Variants in TRAPPC12 observed in about 807,000 individuals in gnomAD.
TRAPPC12 encodes the protein TPR repeat protein 15.
A neutral mutation model predicts 69.2 loss-of-function variants in TRAPPC12; 61 were observed. The observed-to-expected ratio is 0.88, with a 90% CI of 0.72 to 1.09. TRAPPC12 has a LOEUF of 1.09. Ranked by LOEUF, TRAPPC12 falls within the 50% of genes least tolerant of loss-of-function variation. TRAPPC12 has a pLI of 0.00. For missense variants in TRAPPC12, 1,101 were observed against 1,016.4 expected, an observed-to-expected ratio of 1.08 and a Z score of -1.13; for synonymous variants, 469 against 438.9, an observed-to-expected ratio of 1.07 and a Z score of -0.86.
At chr2:3,402,099 C>T (rs1427342834) in intron 3 of TRAPPC12, among the ~76,000 whole-genome samples, 1 of 152,080 alleles carries the variant, frequency 6.6e-6, no homozygotes, top group Non-Finnish European at 1.5e-5. Context: ...AGTTAAAAAG[C>T]CATTATTGGA....
rs568856844 is a variant in TRAPPC12, at chr2:3,389,618, C to G, written c.1047+948C>G. On this transcript the variant is annotated intron_variant, in intron 2 of 11. Coordinates refer to ENST00000324266, the MANE Select transcript of TRAPPC12 (RefSeq NM_016030.6). Reference sequence around the variant, plus strand: ...TAACGGGCATCTTAACGGCTCTAAACGGGCGCATTAACAGACCACTGCTTC... The same window carrying G: ...TAACGGGCATCTTAACGGCTCTAAAGGGGCGCATTAACAGACCACTGCTTC... The G allele has an allele frequency of 5.1e-5, 24 of 468,930 alleles. No individual in the cohort carries two copies. The East Asian group carries it at 1.1e-3, about 22-fold the overall frequency. 29.0% of individuals were successfully genotyped at this position (468,930 alleles called of 1,614,324 possible).
intron 2 of TRAPPC12, among the ~76,000 whole-genome samples, chr2:3,390,038 A>G (rs1309166898): frequency 6.6e-6 from 1 of 152,164 alleles, no homozygotes; most frequent in East Asian, 1.9e-4. Context: ...AAAATAGGTG[A>G]AGAGGGGTAA....
chr2:3,451,680 A>C (rs1664857846), intron 6 of TRAPPC12, among the ~76,000 whole-genome samples: 1 of 151,918 alleles, frequency 6.6e-6, no homozygotes, highest in Admixed American at 6.6e-5. Flanking sequence ...TGCACCACCA[A>C]GCCTGGCTAA....
At chr2:3,385,642 G>T (rs1660454505) in intron 1 of TRAPPC12, among the ~76,000 whole-genome samples, 1 of 152,240 alleles carries the variant, frequency 6.6e-6, no homozygotes, top group African/African-American at 2.4e-5. Context: ...AAATCTGTGA[G>T]ATTGAATCAG....
At chr2:3,438,493 TCCCCCGCC>T (rs1664004114) in intron 5 of TRAPPC12, among the ~76,000 whole-genome samples, 1 of 76,490 alleles carries the variant, frequency 1.3e-5, no homozygotes, top group African/African-American at 5.3e-5. Context: ...CCTGGATTAA[TCCCCCGCC>T]ACCCCTGGAT....
chr2:3,442,129 G>A (rs566511050), intron 5 of TRAPPC12, among the ~76,000 whole-genome samples: 3 of 151,714 alleles, frequency 2.0e-5, no homozygotes, highest in African/African-American at 4.8e-5. Context: ...CGTTGAGATC[G>A]GAGTATTAAC....
At chr2:3,416,301 C>T (rs1014027598) in intron 3 of TRAPPC12, among the ~76,000 whole-genome samples, 3 of 152,150 alleles carry the variant, frequency 2.0e-5, no homozygotes, top group Admixed American at 6.5e-5. Flanking sequence ...GTAACAGCTT[C>T]GCCTCACAGG....
At chr2:3,383,413 G>A (rs764308630) in intron 1 of TRAPPC12, among the ~76,000 whole-genome samples, 16 of 57,104 alleles carry the variant, frequency 2.8e-4, no homozygotes, top group Non-Finnish European at 3.7e-4. Context: ...CCCCCGCCCC[G>A]CCCGAGACGG....
Position 3,387,847 on chromosome 2 carries a change from C to A in TRAPPC12, c.224C>A (p.Ser75Tyr), listed in dbSNP as rs1296604156. Residue 75 changes from serine (S) to tyrosine (Y), a missense_variant, in exon 2 of 12, where the codon TCC (serine) becomes TAC (tyrosine). Transcript: ENST00000324266. Reference protein sequence around the residue: ...HMMESVLISDSPNSEGDAGDL... With the variant: ...HMMESVLISDYPNSEGDAGDL... ...ATGGAGAGCGTCCTCATCTCTGACT[C>A]CCCCAACAGCGAGGGCGACGCGGGC... The A allele has an allele frequency of 6.2e-7, 1 of 1,603,618 alleles. No homozygotes were observed. The highest frequency in any genetic ancestry group is 1.7e-5 in the Admixed American group (1 of 59,654).
At chr2:3,435,879 T>G (rs1558381235) in intron 5 of TRAPPC12, among the ~76,000 whole-genome samples, 1 of 152,260 alleles carries the variant, frequency 6.6e-6, no homozygotes, top group Non-Finnish European at 1.5e-5. Context: ...AGGCACTGTA[T>G]AGTACCGATT....
In TRAPPC12 at chr2:3,424,056, C is replaced by T. The variant is rs557860418; in HGVS notation, c.1279-469C>T. On this transcript the variant is annotated intron_variant, in intron 4 of 11. Transcript: ENST00000324266. ...GCTTCCTCTCCTTCCTGCTCCCGTT[C>T]CCGCCGTCATTCCCCCGCCCTCCAC... Among the ~76,000 whole-genome samples, 2 of 152,306 alleles carry T rather than the reference C, an allele frequency of 1.3e-5. 1 individual carries two copies. The highest frequency in any genetic ancestry group is 3.9e-4 in the East Asian group (2 of 5,182).
At chr2:3,418,059 AC>A (rs1436813790) in intron 3 of TRAPPC12, among the ~76,000 whole-genome samples, 5 of 26,522 alleles carry the variant, frequency 1.9e-4, no homozygotes, top group Admixed American at 5.8e-4. Flanking sequence ...AAAAAAAAAA[AC>A]ATTGTCATAG....
intron 9 of TRAPPC12, among the ~76,000 whole-genome samples, chr2:3,473,175 A>G (rs1326103019): frequency 6.6e-6 from 1 of 152,066 alleles, no homozygotes; most frequent in African/African-American, 2.4e-5. Context: ...TTCTGCAGAG[A>G]GAGCAGGTGA....
At chr2:3,427,573 T>C (rs1373850511) in intron 5 of TRAPPC12, among the ~76,000 whole-genome samples, 1 of 152,212 alleles carries the variant, frequency 6.6e-6, no homozygotes, top group Admixed American at 6.5e-5. Context: ...AGGCAGATGT[T>C]TCCTATCATG....
chr2:3,447,470 G>A (rs568557661), intron 6 of TRAPPC12, among the ~76,000 whole-genome samples: 3 of 152,180 alleles, frequency 2.0e-5, no homozygotes, highest in African/African-American at 7.2e-5. Flanking sequence ...CAGCGAGAGA[G>A]AAGAGGAGGA....
chr2:3,431,274 A>G (rs2103073324), intron 5 of TRAPPC12, among the ~76,000 whole-genome samples: 1 of 152,320 alleles, frequency 6.6e-6, no homozygotes, highest in Admixed American at 6.5e-5. Context: ...CCCTGTAGAC[A>G]GACAGTCTCT....
chr2:3,421,495 CTTA>C (rs1158598385), intron 3 of TRAPPC12, among the ~76,000 whole-genome samples: 7 of 152,182 alleles, frequency 4.6e-5, no homozygotes, highest in Non-Finnish European at 1.0e-4. Context: ...ATAAAATTTC[CTTA>C]TTGATTTTAA....
intron 3 of TRAPPC12, among the ~76,000 whole-genome samples, chr2:3,403,230 A>ATTTT (rs35354979): frequency 0.027 from 3,227 of 119,290 alleles, 270 homozygotes; most frequent in African/African-American, 0.091. Context: ...GATTTCACCA[A>ATTTT]TTTTTTTTTT....
At chr2:3,466,143 T>A (rs73133028) in intron 9 of TRAPPC12, 4,757 of 412,688 alleles carry the variant, frequency 0.012, 167 homozygotes, top group African/African-American at 0.086. Context: ...GGACCCCCTT[T>A]GCTAAGAATG....
Sources: gnomAD v4.1 joint callset for allele counts (sites outside exome capture counted in the v4.1 genomes callset) on GRCh38, gnomAD v4.1.1 for gene constraint, MANE v1.5 for transcripts, NCBI Gene and HGNC (gene_info 2026-07-23, HGNC 2026-07-21) for gene names.